The following ZNF628 variants were observed in gnomAD, a reference collection of about 807,000 sequenced individuals.
ZNF628 encodes the protein zinc finger protein 628.
In ZNF628, 3 loss-of-function variants were observed where a neutral mutation model predicts 2.5. That is an observed-to-expected ratio of 1.19 (90% CI 0.54 to 3.07). The LOEUF (loss-of-function observed/expected upper bound fraction) is 3.07. ZNF628 is among the 30% of genes most tolerant of loss of function. ZNF628 has a pLI of 0.03. For missense variants in ZNF628, 1,610 were observed against 1,517.1 expected (o/e 1.06, Z -1.02); for synonymous variants, 861 against 717.1 (o/e 1.20, Z -3.21).
Position 55,481,707 on chromosome 19 carries a change from G to A in ZNF628, c.514G>A (p.Gly172Ser), listed in dbSNP as rs1398674079. The A allele has an allele frequency of 6.2e-7, 1 of 1,612,816 alleles. No homozygotes were observed. The highest frequency in any genetic ancestry group is 8.5e-7 in the Non-Finnish European group (1 of 1,179,510). The stretch of plus-strand genomic sequence containing the variant: ...GCGGCGCCACCGCCACGTGCACACC[G>A]GCGAGCGGCCCTACACCTGTGGAGT... Reference protein sequence around the residue: ...SLRRHRHVHTGERPYTCGVCG... With the variant: ...SLRRHRHVHTSERPYTCGVCG... Residue 172 changes from glycine (G) to serine (S), a missense_variant, in exon 3 of 3, where the codon GGC becomes AGC. Physicochemically the swap from Gly to Ser is moderately conservative, Grantham distance 56 (BLOSUM62 0). Around this residue, in one of 5 missense-constraint regions of ZNF628, gnomAD observed 166 missense variants for 241.3 expected, o/e 0.69. Transcript: ENST00000598519.
In ZNF628 at chr19:55,483,507, G is replaced by A; in HGVS notation, c.2314G>A (p.Gly772Arg). The change falls in exon 3 of 3, where the codon GGA (glycine) becomes AGA (arginine). Residue 772 changes from glycine to arginine, a missense_variant. By Grantham distance (125) the Gly-to-Arg change is moderately radical. Coordinates refer to ENST00000598519, the MANE Select transcript of ZNF628 (RefSeq NM_033113.3). ...AGTGGGGAAAGCGGGCCAGGGGGCG[G>A]GAGTGGTCTGGCTGCCAGGCCCTGG... ...RAVGKAGQGAGVVWLPGPGGL... is the reference protein window; with the variant it reads ...RAVGKAGQGARVVWLPGPGGL... 6.4e-7 allele frequency: 1 copy of A among 1,555,158 alleles called. No individual in the cohort carries two copies. The highest frequency in any genetic ancestry group is 8.7e-7 in the Non-Finnish European group (1 of 1,150,728).
rs1223455219 is a variant in ZNF628, at chr19:55,482,951, C to G, written c.1758C>G (p.Arg586=). Residue 586 remains arginine (R), a synonymous_variant, in exon 3 of 3, where the codon CGC becomes CGG. Coordinates refer to ENST00000598519, the MANE Select transcript of ZNF628 (RefSeq NM_033113.3). ...CCTCCAACCTGCGGCAGCACCAGCG[C>G]GTGCACACGGGCGAGCGGCCCTTCC... ...AQTSNLRQHQ[R]VHTGERPFRC... is the part of the protein sequence containing the mutation. 5 of 1,608,756 alleles carry G rather than the reference C, an allele frequency of 3.1e-6. No individual in the cohort carries two copies. Among genetic ancestry groups the G allele is most frequent in the Non-Finnish European group, 4.2e-6 (5 of 1,178,754 alleles).
At position 55,482,009 on chromosome 19, in the gene ZNF628, G is replaced by A. The variant is rs1339863259; in HGVS notation, c.816G>A (p.Pro272=). The change falls in exon 3 of 3, where the codon CCG becomes CCA. Residue 272 remains proline, a synonymous_variant. Coordinates refer to ENST00000598519, the MANE Select transcript of ZNF628 (RefSeq NM_033113.3). ...GCCCGCCCGCGCCTCCCGCCCCGCC[G>A]CCCCCGCCCCCGCCCGTGGTGCCTG... The part of the protein sequence containing the change: ...PHSPPAPPAP[P]PPPPPVVPEL... 3 of 1,223,104 alleles carry A rather than the reference G, an allele frequency of 2.5e-6. No individual in the cohort carries two copies. Among genetic ancestry groups the A allele is most frequent in the Admixed American group, 2.9e-5 (1 of 34,148 alleles). The allele number at this position is 1,223,104 out of a possible 1,614,324, so 75.8% of individuals were successfully genotyped here.
intron 2 of ZNF628, among the ~76,000 whole-genome samples, chr19:55,480,272 GT>G (rs1986666948): frequency 6.8e-6 from 1 of 145,988 alleles, no homozygotes; most frequent in Non-Finnish European, 1.5e-5. Context: ...TTGAGATGGA[GT>G]CTCTCTCTAT....
At position 55,482,571 on chromosome 19, in the gene ZNF628, G is replaced by T. The variant is rs752028788; in HGVS notation, c.1378G>T (p.Gly460Cys). 25 of 1,596,182 alleles carry T rather than the reference G, an allele frequency of 1.6e-5. No homozygotes were observed. The East Asian group carries it at 2.9e-4, about 19-fold the overall frequency. ...AERPYKCAEC[G>C]KSFKGSSGLR... ...GCGGCCCTACAAATGTGCCGAGTGCGGCAAGTCCTTCAAGGGCTCCTCCGG... is the reference window on the plus strand; with the variant it reads ...GCGGCCCTACAAATGTGCCGAGTGCTGCAAGTCCTTCAAGGGCTCCTCCGG... Residue 460 changes from glycine (G) to cysteine (C), a missense_variant, in exon 3 of 3, where the codon GGC (glycine) becomes TGC (cysteine). Coordinates refer to ENST00000598519, the MANE Select transcript of ZNF628 (RefSeq NM_033113.3).
rs1374783090 is a variant in ZNF628 at position 55,483,858 on chromosome 19, C to T, written c.2665C>T (p.Leu889=). 1.2e-6 allele frequency: 2 copies of T among 1,612,174 alleles called. No individual in the cohort carries two copies. Among genetic ancestry groups the T allele is most frequent in the Non-Finnish European group, 1.7e-6 (2 of 1,179,240 alleles). ...GGAVATEAPN[L]LVVQSGAAEE... ...AGCTGTGGCTACTGAGGCACCCAAC[C>T]TGCTGGTTGTTCAGAGCGGGGCAGC... The change falls in exon 3 of 3, where the codon CTG becomes TTG. Residue 889 remains leucine, a synonymous_variant. Transcript: ENST00000598519.
Position 55,483,972 on chromosome 19 carries a change from C to G in ZNF628, c.2779C>G (p.Leu927Val). 6.3e-7 allele frequency: 1 copy of G among 1,575,396 alleles called. No individual in the cohort carries two copies. Among genetic ancestry groups the G allele is most frequent in the Non-Finnish European group, 8.6e-7 (1 of 1,158,602 alleles). ...GVVQDVLFETLQTDEGLQSVL... is the reference protein window; with the variant it reads ...GVVQDVLFETVQTDEGLQSVL... Reference sequence around the variant, plus strand: ...GGTCCAGGATGTCCTCTTTGAGACACTCCAGACGGACGAGGGCTTGCAGAG... The same window carrying G: ...GGTCCAGGATGTCCTCTTTGAGACAGTCCAGACGGACGAGGGCTTGCAGAG... Residue 927 changes from leucine (L) to valine (V), a missense_variant, in exon 3 of 3, where the codon CTC (leucine) becomes GTC (valine). Around this residue, in one of 5 missense-constraint regions of ZNF628, gnomAD observed 712 missense variants for 603.6 expected, o/e 1.18. Coordinates refer to ENST00000598519, the MANE Select transcript of ZNF628 (RefSeq NM_033113.3).
At chr19:55,478,295 G>A (rs1986612653) in intron 1 of ZNF628, among the ~76,000 whole-genome samples, 1 of 152,104 alleles carries the variant, frequency 6.6e-6, no homozygotes, top group Non-Finnish European at 1.5e-5. Flanking sequence ...GAGTTGGAAG[G>A]GATTGTAGAT....
At chr19:55,480,372 A>G (rs1045002070) in intron 2 of ZNF628, among the ~76,000 whole-genome samples, 3 of 150,896 alleles carry the variant, frequency 2.0e-5, no homozygotes, top group East Asian at 1.9e-4. Context: ...CAGCCTCCCA[A>G]GTAGCTGGGA....
At chr19:55,477,886 T>G (rs1422116172) in intron 1 of ZNF628, among the ~76,000 whole-genome samples, 1 of 152,252 alleles carries the variant, frequency 6.6e-6, no homozygotes, top group African/African-American at 2.4e-5. Context: ...GGCACTGGGA[T>G]GGCATACAAC....
At position 55,484,238 on chromosome 19, in the gene ZNF628, C is replaced by T. The variant is rs2123416367; in HGVS notation, c.3045C>T (p.Leu1015=). Residue 1015 remains leucine (L), a synonymous_variant, in exon 3 of 3, where the codon CTC becomes CTT. Transcript: ENST00000598519. ...GCCCAGCCTCGGGCCCCGCGGGGCT[C>T]CCCGGGGCTCCAGCCTCCCAGATGG... The part of the protein sequence containing the change: ...PSGPASGPAG[L]PGAPASQMVQ... 3 of 1,548,108 alleles carry T rather than the reference C, an allele frequency of 1.9e-6. No individual in the cohort carries two copies. The highest frequency in any genetic ancestry group is 1.4e-5 in the African/African-American group (1 of 73,034).
At position 55,482,915 on chromosome 19, in the gene ZNF628, C is replaced by T. The variant is rs368625084; in HGVS notation, c.1722C>T (p.Ser574=). The stretch of plus-strand genomic sequence containing the variant: ...ACGCCTGCGGTGTCTGCGGCAAGAG[C>T]TTCGCGCAGACCTCCAACCTGCGGC... ...RPHACGVCGK[S]FAQTSNLRQH... Residue 574 remains serine (S), a synonymous_variant, in exon 3 of 3, where the codon AGC becomes AGT. Coordinates refer to ENST00000598519, the MANE Select transcript of ZNF628 (RefSeq NM_033113.3). 5 of 1,609,136 alleles carry T rather than the reference C, an allele frequency of 3.1e-6. No individual in the cohort carries two copies. Among genetic ancestry groups the T allele is most frequent in the Middle Eastern group, 1.6e-4 (1 of 6,080 alleles).
Position 55,482,630 on chromosome 19 carries a change from G to A in ZNF628, c.1437G>A (p.Glu479=). The change falls in exon 3 of 3, where the codon GAG becomes GAA. Residue 479 remains glutamate, a synonymous_variant. Transcript: ENST00000598519. ...LRYHLRDHTG[E]RPYQCGECGK... is the part of the protein sequence containing the mutation. ...ACCACCTGCGGGACCACACGGGCGAGCGGCCCTACCAGTGTGGCGAGTGCG... is the reference window on the plus strand; with the variant it reads ...ACCACCTGCGGGACCACACGGGCGAACGGCCCTACCAGTGTGGCGAGTGCG... 2 of 1,609,794 alleles carry A rather than the reference G, an allele frequency of 1.2e-6. No individual in the cohort carries two copies. The highest frequency in any genetic ancestry group is 1.7e-6 in the Non-Finnish European group (2 of 1,178,668).
chr19:55,483,281 G>T lies in ZNF628; in HGVS notation c.2088G>T (p.Thr696=). 6.6e-7 allele frequency: 1 copy of T among 1,515,692 alleles called. No homozygotes were observed. 93.9% of individuals were successfully genotyped at this position (1,515,692 alleles called of 1,614,324 possible). A position where few individuals can be genotyped will look rare whatever the true frequency, so the allele number is the denominator to read the frequency against. Reference sequence around the variant, plus strand: ...TCTCCCTCGAGGTGGCGGGGGGCACGGCCCAGGCCCCGAGCTTGGGGCCAG... The same window carrying T: ...TCTCCCTCGAGGTGGCGGGGGGCACTGCCCAGGCCCCGAGCTTGGGGCCAG... The part of the protein sequence containing the change: ...ATLSLEVAGG[T]AQAPSLGPAA... The change falls in exon 3 of 3, where the codon ACG becomes ACT. Residue 696 remains threonine, a synonymous_variant. Coordinates refer to ENST00000598519, the MANE Select transcript of ZNF628 (RefSeq NM_033113.3).
In ZNF628 at chr19:55,481,937, G is replaced by C. The variant is rs1445894733; in HGVS notation, c.744G>C (p.Lys248Asn). The change falls in exon 3 of 3, where the codon AAG (lysine) becomes AAC (asparagine). Residue 248 changes from lysine to asparagine, a missense_variant. Physicochemically the swap from Lys to Asn is moderately conservative, Grantham distance 94 (BLOSUM62 0). Transcript: ENST00000598519. Reference protein sequence around the residue: ...APPPQSREPGKVFVCDAYLQR... With the variant: ...APPPQSREPGNVFVCDAYLQR... Reference sequence around the variant, plus strand: ...CCCCCCAGTCCCGGGAGCCCGGCAAGGTCTTCGTGTGCGACGCCTACCTGC... The same window carrying C: ...CCCCCCAGTCCCGGGAGCCCGGCAACGTCTTCGTGTGCGACGCCTACCTGC... 5 of 1,477,078 alleles carry C rather than the reference G, an allele frequency of 3.4e-6. No individual in the cohort carries two copies. The highest frequency in any genetic ancestry group is 4.7e-5 in the Admixed American group (2 of 42,658). 91.5% of individuals were successfully genotyped at this position (1,477,078 alleles called of 1,614,324 possible). A position where few individuals can be genotyped will look rare whatever the true frequency, so the allele number is the denominator to read the frequency against.
chr19:55,477,483 T>G (rs185919552), intron 1 of ZNF628, among the ~76,000 whole-genome samples: 10 of 152,160 alleles, frequency 6.6e-5, no homozygotes, highest in Admixed American at 2.6e-4. Context: ...AGTTCTTGGC[T>G]AGGCGCGGTG....
chr19:55,484,230 G>C lies in ZNF628; in HGVS notation c.3037G>C (p.Ala1013Pro). The C allele has an allele frequency of 6.5e-7, 1 of 1,548,754 alleles. No homozygotes were observed. The highest frequency in any genetic ancestry group is 8.7e-7 in the Non-Finnish European group (1 of 1,146,482). ...GCCGTCAGGCCCAGCCTCGGGCCCC[G>C]CGGGGCTCCCCGGGGCTCCAGCCTC... ...PPPSGPASGP[A>P]GLPGAPASQM... Residue 1013 changes from alanine (A) to proline (P), a missense_variant, in exon 3 of 3, where the codon GCG becomes CCG. Coordinates refer to ENST00000598519, the MANE Select transcript of ZNF628 (RefSeq NM_033113.3).
Position 55,482,306 on chromosome 19 carries a change from C to T in ZNF628, c.1113C>T (p.Leu371=), listed in dbSNP as rs1986742631. The T allele has an allele frequency of 5.4e-6, 8 of 1,468,444 alleles. No individual in the cohort carries two copies. The highest frequency in any genetic ancestry group is 2.4e-5 in the Admixed American group (1 of 41,744). 91.0% of individuals were successfully genotyped at this position (1,468,444 alleles called of 1,614,324 possible). A position where few individuals can be genotyped will look rare whatever the true frequency, so the allele number is the denominator to read the frequency against. Reference sequence around the variant, plus strand: ...AGTCCTTCCGGACGGTGGCTGGGCTCTCCCGCCACCAGCACAGCCACGGGG... The same window carrying T: ...AGTCCTTCCGGACGGTGGCTGGGCTTTCCCGCCACCAGCACAGCCACGGGG... ...CGKSFRTVAG[L]SRHQHSHGAA... The change falls in exon 3 of 3, where the codon CTC becomes CTT. Residue 371 remains leucine, a synonymous_variant. Transcript: ENST00000598519.
In ZNF628 at chr19:55,484,016, G is replaced by A. The variant is rs759247853; in HGVS notation, c.2823G>A (p.Gly941=). The change falls in exon 3 of 3, where the codon GGG becomes GGA. Residue 941 remains glycine (G), a synonymous_variant. Transcript: ENST00000598519. The part of the protein sequence containing the change: ...EGLQSVLVLS[G]ADGEQTRLCV... ...TGCAGAGCGTGCTGGTGCTGAGCGG[G>A]GCCGATGGCGAACAGACTCGACTCT... 6.3e-7 allele frequency: 1 copy of A among 1,592,956 alleles called. No individual in the cohort carries two copies. The highest frequency in any genetic ancestry group is 2.3e-5 in the East Asian group (1 of 43,896).
Sources: allele counts gnomAD v4.1 joint callset (sites outside exome capture counted in the v4.1 genomes callset), GRCh38; gene constraint gnomAD v4.1.1; regional missense constraint gnomAD v4.1.1; transcripts MANE v1.5; gene names NCBI Gene and HGNC (gene_info 2026-07-23, HGNC 2026-07-21).